MAGI2: variants seen among roughly 807,000 people sequenced by gnomAD.
The protein encoded by MAGI2 is membrane-associated guanylate kinase, WW and PDZ domain-containing protein 2.
A neutral mutation model predicts 133.3 loss-of-function variants in MAGI2; 35 were observed. The ratio of observed to expected loss-of-function variants is 0.26; its 90% CI spans 0.20 to 0.35. The LOEUF (loss-of-function observed/expected upper bound fraction) is 0.35. Ranked by LOEUF, MAGI2 falls within the 10% of genes least tolerant of loss-of-function variation. The probability of loss-of-function intolerance (pLI) is 1.00; values close to 1 mark genes in which losing one functional copy is unlikely to be tolerated. For synonymous variants in MAGI2, 729 were observed against 710.6 expected (o/e 1.03, Z -0.41); for missense variants, 1,636 against 1,863.4 (o/e 0.88, Z 2.25).
chr7:78,467,004 G>A (rs764421293), intron 6 of MAGI2, among the ~76,000 whole-genome samples: 28 of 152,116 alleles, frequency 1.8e-4, no homozygotes, highest in Non-Finnish European at 3.1e-4. Flanking sequence ...AGCAAGTGGC[G>A]TTCCTAGTGG....
intron 1 of MAGI2, among the ~76,000 whole-genome samples, chr7:79,349,957 AG>A (rs1171675301): frequency 1.3e-5 from 2 of 152,086 alleles, no homozygotes; most frequent in African/African-American, 4.8e-5. Flanking sequence ...CACAGTCTTT[AG>A]TTAAAGTCTT....
At chr7:79,448,109 G>A (rs1296528073) in intron 1 of MAGI2, among the ~76,000 whole-genome samples, 2 of 151,800 alleles carry the variant, frequency 1.3e-5, no homozygotes, top group Non-Finnish European at 2.9e-5. Flanking sequence ...TATGCGGTAT[G>A]AAGAAAACAA....
At chr7:78,124,685 C>A (rs1820793651) in intron 20 of MAGI2, among the ~76,000 whole-genome samples, 1 of 152,040 alleles carries the variant, frequency 6.6e-6, no homozygotes, top group African/African-American at 2.4e-5. Flanking sequence ...TACACCGACA[C>A]ACACACACAC....
intron 1 of MAGI2, among the ~76,000 whole-genome samples, chr7:79,312,624 CCT>C (rs993993796): frequency 2.6e-5 from 4 of 151,042 alleles, no homozygotes; most frequent in South Asian, 2.1e-4. Flanking sequence ...GTCTATAATT[CCT>C]CTCTCTCTCT....
chr7:79,294,720 GCT>G (rs1491347883), intron 1 of MAGI2, among the ~76,000 whole-genome samples: 40 of 82,200 alleles, frequency 4.9e-4, no homozygotes, highest in African/African-American at 1.4e-3. Flanking sequence ...TATTTTGGTA[GCT>G]TTTTTTTTTT....
rs536361290 is a variant in MAGI2 at position 78,520,069 on chromosome 7, G to T, written c.754+1361C>A. Among the ~76,000 whole-genome samples, 115 of 152,280 alleles carry T rather than the reference G, an allele frequency of 7.6e-4. 2 individuals are homozygous for T. In the South Asian group the frequency reaches 0.023, roughly 30 times the overall value. ...TGCCACATCATTTCATAGGAGACAA[G>T]TTACATTACTTATAGTGATTTTTAG... is the stretch of plus-strand genomic sequence containing the variant. On this transcript the variant is annotated intron_variant, in intron 4 of 21. Transcript: ENST00000354212.
chr7:78,958,027 A>G (rs1372459151), intron 2 of MAGI2, among the ~76,000 whole-genome samples: 2 of 152,158 alleles, frequency 1.3e-5, no homozygotes, highest in Non-Finnish European at 2.9e-5. Context: ...CTTTTCTCCG[A>G]CTAAGCCACC....
chr7:78,833,822 C>G (rs8180808), intron 2 of MAGI2, among the ~76,000 whole-genome samples: 110,984 of 152,082 alleles, frequency 0.73, 41,283 homozygotes, highest in East Asian at 0.96. Context: ...GCTTCCTATC[C>G]AGTCTGAAAT....
intron 1 of MAGI2, among the ~76,000 whole-genome samples, chr7:79,406,686 G>C (rs1234093368): frequency 6.6e-6 from 1 of 151,974 alleles, no homozygotes; most frequent in Admixed American, 6.6e-5. Flanking sequence ...GTTACATAAG[G>C]ATCTCCTATA....
At chr7:78,090,696 C>CAAAAAAAATGT (rs775333501) in intron 20 of MAGI2, among the ~76,000 whole-genome samples, 1 of 151,542 alleles carries the variant, frequency 6.6e-6, no homozygotes, top group African/African-American at 2.4e-5. Context: ...ATGAAGAAGG[C>CAAAAAAAATGT]AAAAAAAATG....
intron 2 of MAGI2, among the ~76,000 whole-genome samples, chr7:78,910,689 T>G (rs965742119): frequency 3.9e-5 from 6 of 152,204 alleles, no homozygotes; most frequent in Admixed American, 6.5e-5. Flanking sequence ...ACTGGTTAGT[T>G]TGGTAAATGT....
chr7:78,019,101 G>A lies in MAGI2; in HGVS notation c.*214C>T, dbSNP rs1189284207. On this transcript the variant is annotated 3_prime_UTR_variant, in exon 22 of 22. Coordinates refer to ENST00000354212, the MANE Select transcript of MAGI2 (RefSeq NM_012301.4). ...TCCATAGCTGCCAAAGCCCCCACAA[G>A]GGAACCGGGGGCTTTAGGATCAGTT... is the stretch of plus-strand genomic sequence containing the variant. 1 of 483,284 alleles carries A rather than the reference G, an allele frequency of 2.1e-6. No individual in the cohort carries two copies. The highest frequency in any genetic ancestry group is 3.6e-6 in the Non-Finnish European group (1 of 277,936). 29.9% of individuals were successfully genotyped at this position (483,284 alleles called of 1,614,324 possible). A position where few individuals can be genotyped will look rare whatever the true frequency, so the allele number is the denominator to read the frequency against.
At chr7:78,747,768 C>T (rs572751762) in intron 2 of MAGI2, among the ~76,000 whole-genome samples, 32 of 152,248 alleles carry the variant, frequency 2.1e-4, no homozygotes, top group African/African-American at 7.5e-4. Flanking sequence ...CTGAAGAAAA[C>T]AAGCATGAAT....
In MAGI2 at chr7:78,755,087, C is replaced by T. The variant is rs570945866; in HGVS notation, c.419-127848G>A. On this transcript the variant is annotated intron_variant, in intron 2 of 21. Coordinates refer to ENST00000354212, the MANE Select transcript of MAGI2 (RefSeq NM_012301.4). ...AAGTAATATCATTTACACTATGTTC[C>T]ACATATTATTACTTAAGTTAGCAGA... Among the ~76,000 whole-genome samples the T allele has an allele frequency of 3.0e-4, 45 of 152,198 alleles. 1 individual carries two copies. The highest frequency in any genetic ancestry group is 1.0e-3 in the African/African-American group (42 of 41,528).
chr7:79,425,631 A>G (rs1319766931), intron 1 of MAGI2, among the ~76,000 whole-genome samples: 1 of 150,868 alleles, frequency 6.6e-6, no homozygotes, highest in Non-Finnish European at 1.5e-5. Context: ...TTTTGATTAC[A>G]TAACTACCAT....
At chr7:79,267,525 A>G (rs932068923) in intron 1 of MAGI2, among the ~76,000 whole-genome samples, 2 of 152,190 alleles carry the variant, frequency 1.3e-5, no homozygotes, top group Non-Finnish European at 2.9e-5. Context: ...GTTAGCCATG[A>G]AAGTTTATAA....
intron 3 of MAGI2, among the ~76,000 whole-genome samples, chr7:78,582,073 C>A (rs530366236): frequency 6.6e-6 from 1 of 152,268 alleles, no homozygotes; most frequent in African/African-American, 2.4e-5. Flanking sequence ...ATGAGAGTGA[C>A]TTTCCTGCTT....
intron 2 of MAGI2, among the ~76,000 whole-genome samples, chr7:78,975,844 T>C (rs1027207354): frequency 2.0e-5 from 3 of 151,658 alleles, no homozygotes; most frequent in African/African-American, 7.2e-5. Flanking sequence ...TCTTTACTAC[T>C]GATTGCATGA....
At chr7:78,620,026 T>G (rs1191277794) in intron 3 of MAGI2, among the ~76,000 whole-genome samples, 1 of 151,918 alleles carries the variant, frequency 6.6e-6, no homozygotes, top group African/African-American at 2.4e-5. Flanking sequence ...GTGCCAAGAA[T>G]CTACTGCTGT....
Sources: gnomAD v4.1 joint callset for allele counts (sites outside exome capture counted in the v4.1 genomes callset) on GRCh38, gnomAD v4.1.1 for gene constraint, MANE v1.5 for transcripts, NCBI Gene and HGNC (gene_info 2026-07-23, HGNC 2026-07-21) for gene names.